The following BEND7 variants were observed in gnomAD, a reference collection of about 807,000 sequenced individuals.
The protein encoded by BEND7 is BEN domain-containing protein 7.
A neutral mutation model predicts 50.9 loss-of-function variants in BEND7; 28 were observed. That is an observed-to-expected ratio of 0.55 (90% CI 0.41 to 0.75). BEND7 has a LOEUF of 0.75. Among genes scored for constraint, BEND7 ranks in the 30% least tolerant of loss-of-function variants. The pLI, the probability that BEND7 is intolerant of heterozygous loss-of-function variation, is 0.00. For synonymous variants in BEND7, 170 were observed against 183.9 expected (o/e 0.92, Z 0.61); for missense variants, 477 against 491.3 (o/e 0.97, Z 0.28).
intron 6 of BEND7, among the ~76,000 whole-genome samples, chr10:13,474,994 A>C (rs969616762): frequency 1.3e-5 from 2 of 152,218 alleles, no homozygotes; most frequent in African/African-American, 2.4e-5. Flanking sequence ...ATCTCTTAGC[A>C]TGGGACCCAG....
At chr10:13,511,759 T>C (rs1050160790) in intron 2 of BEND7, among the ~76,000 whole-genome samples, 1 of 152,216 alleles carries the variant, frequency 6.6e-6, no homozygotes, top group Non-Finnish European at 1.5e-5. Flanking sequence ...CCTGCCTACA[T>C]TGAATCCTGA....
chr10:13,526,235 A>T lies in BEND7; in HGVS notation c.62-14T>A, dbSNP rs2079456123. 1 of 1,273,450 alleles carries T rather than the reference A, an allele frequency of 7.9e-7. No homozygotes were observed. Among genetic ancestry groups the T allele is most frequent in the African/African-American group, 1.5e-5 (1 of 65,314 alleles). 78.9% of individuals were successfully genotyped at this position (1,273,450 alleles called of 1,614,324 possible). The stretch of plus-strand genomic sequence containing the variant: ...CGTGGTGATAATCTGGCATGAGAAA[A>T]CAACCAAAAATTAGAATCCTAAGGA... On this transcript the variant is annotated splice_polypyrimidine_tract_variant and intron_variant, in intron 1 of 8. Coordinates refer to ENST00000466271, the MANE Select transcript of BEND7 (RefSeq NM_001369863.1).
intron 6 of BEND7, among the ~76,000 whole-genome samples, chr10:13,466,572 T>A (rs1402819103): frequency 6.6e-6 from 1 of 151,436 alleles, no homozygotes; most frequent in Non-Finnish European, 1.5e-5. Context: ...AAAAAAAAAA[T>A]TATGGATTTA....
chr10:13,507,870 G>C (rs772630066), intron 2 of BEND7, among the ~76,000 whole-genome samples: 21 of 152,152 alleles, frequency 1.4e-4, no homozygotes, highest in Non-Finnish European at 1.2e-4. Context: ...ATTTTTTAGG[G>C]GGCAGGTAAT....
At chr10:13,440,175 G>C (rs1283446468), downstream of BEND7, among the ~76,000 whole-genome samples, 1 of 152,182 alleles carries the variant, frequency 6.6e-6, no homozygotes, top group Non-Finnish European at 1.5e-5. Flanking sequence ...GGGTTAGAGA[G>C]GTCTTCGAGC....
At chr10:13,480,237 A>G (rs76586060) in intron 6 of BEND7, among the ~76,000 whole-genome samples, 3,085 of 152,270 alleles carry the variant, frequency 0.02, 114 homozygotes, top group African/African-American at 0.07. Context: ...ACTGGATATA[A>G]ATGCAGAGGT....
intron 7 of BEND7, among the ~76,000 whole-genome samples, chr10:13,449,787 A>T (rs1564506079): frequency 6.6e-6 from 1 of 152,242 alleles, no homozygotes; most frequent in East Asian, 1.9e-4. Context: ...AACCAAAAAA[A>T]TATATAGATG....
chr10:13,501,473 C>G (rs1054561264), intron 2 of BEND7, among the ~76,000 whole-genome samples: 1 of 151,650 alleles, frequency 6.6e-6, no homozygotes, highest in Non-Finnish European at 1.5e-5. Context: ...AACACACTAT[C>G]TTCTTAAACT....
Position 13,441,708 on chromosome 10 carries a change from CA to C in BEND7, c.*34del. ...AGGACGGATTTTAAAACCCATGGTGCAAAAAACACAAGAGCTGTGGTTTGCA... is the reference window on the plus strand; with the variant it reads ...AGGACGGATTTTAAAACCCATGGTGCAAAAACACAAGAGCTGTGGTTTGCA... On this transcript the variant is annotated 3_prime_UTR_variant, in exon 9 of 9. Transcript: ENST00000466271. 1 of 1,612,798 alleles carries C rather than the reference CA, an allele frequency of 6.2e-7. No homozygotes were observed. Among genetic ancestry groups the C allele is most frequent in the African/African-American group, 1.3e-5 (1 of 74,868 alleles).
At chr10:13,452,464 G>A in intron 7 of BEND7, 75 bp downstream of exon 7, 1 of 1,428,440 alleles carries the variant, frequency 7.0e-7, no homozygotes, top group African/African-American at 1.4e-5. Flanking sequence ...ATAACCTAGA[G>A]CCAAGTATTG....
At chr10:13,512,615 G>A (rs1422762791) in intron 2 of BEND7, among the ~76,000 whole-genome samples, 2 of 152,166 alleles carry the variant, frequency 1.3e-5, no homozygotes, top group African/African-American at 4.8e-5. Flanking sequence ...ACACAGAAAT[G>A]CAAATCTCCC....
chr10:13,459,332 C>T (rs1261808537), intron 6 of BEND7, among the ~76,000 whole-genome samples: 1 of 152,156 alleles, frequency 6.6e-6, no homozygotes, highest in Non-Finnish European at 1.5e-5. Context: ...GATGGATTTA[C>T]ACATACTTTG....
At chr10:13,498,790 T>C (rs1184743394) in intron 3 of BEND7, among the ~76,000 whole-genome samples, 3 of 152,138 alleles carry the variant, frequency 2.0e-5, no homozygotes, top group Non-Finnish European at 4.4e-5. Context: ...CATGCCAGCA[T>C]TGGAACTTTG....
chr10:13,464,731 G>A (rs1159002499), intron 6 of BEND7, among the ~76,000 whole-genome samples: 3 of 152,186 alleles, frequency 2.0e-5, no homozygotes, highest in Non-Finnish European at 4.4e-5. Context: ...AAAGACTACT[G>A]TTAATGGGGA....
chr10:13,471,014 T>C (rs1239016512), intron 6 of BEND7, among the ~76,000 whole-genome samples: 2 of 152,230 alleles, frequency 1.3e-5, no homozygotes, highest in Non-Finnish European at 2.9e-5. Flanking sequence ...CTCTCGGCAT[T>C]TGATATACTT....
At chr10:13,470,628 GTTTTGAGGAGATGAGATCCCTT>G (rs2074717923) in intron 6 of BEND7, among the ~76,000 whole-genome samples, 1 of 152,186 alleles carries the variant, frequency 6.6e-6, no homozygotes, top group South Asian at 2.1e-4. Context: ...TGAATTCACA[GTTTTGAGGAGATGAGATCCCTT>G]TTTTGAGCTT....
intron 2 of BEND7, among the ~76,000 whole-genome samples, chr10:13,520,272 T>TA (rs1413880606): frequency 6.6e-6 from 1 of 152,110 alleles, no homozygotes; most frequent in Non-Finnish European, 1.5e-5. Flanking sequence ...CCGGAGGCAG[T>TA]AAACAAGCCC....
At chr10:13,525,452 AGCTGGGAACAAGGATGGTAAGAG>A (rs1319554661) in intron 2 of BEND7, among the ~76,000 whole-genome samples, 1 of 152,212 alleles carries the variant, frequency 6.6e-6, no homozygotes, top group African/African-American at 2.4e-5. Flanking sequence ...CCCTGACGTG[AGCTGGGAACAAGGATGGTAAGAG>A]GAAAGCATGC....
At chr10:13,528,356 C>T (rs1458336725) in intron 1 of BEND7, 117 bp downstream of exon 1, 2 of 333,378 alleles carry the variant, frequency 6.0e-6, no homozygotes, top group Non-Finnish European at 8.5e-6. Flanking sequence ...GCGGAGGCAC[C>T]GGGGGACCGG....
Sources: gnomAD v4.1 joint callset for allele counts (sites outside exome capture counted in the v4.1 genomes callset) on GRCh38, gnomAD v4.1.1 for gene constraint, MANE v1.5 for transcripts, NCBI Gene and HGNC (gene_info 2026-07-23, HGNC 2026-07-21) for gene names.